Variants in CNST observed in about 807,000 individuals in gnomAD.
CNST encodes the protein consortin.
A neutral mutation model predicts 72.4 loss-of-function variants in CNST; 39 were observed. The observed-to-expected ratio is 0.54, with a 90% CI of 0.42 to 0.70. CNST has a LOEUF of 0.70. Among genes scored for constraint, CNST ranks in the 30% least tolerant of loss-of-function variants. CNST has a pLI of 0.00. For missense variants in CNST, 871 were observed against 868.5 expected (o/e 1.00, Z -0.04); for synonymous variants, 332 against 320.1 (o/e 1.04, Z -0.40).
intron 10 of CNST, among the ~76,000 whole-genome samples, chr1:246,662,264 C>T (rs1205621761): frequency 2.6e-5 from 4 of 152,190 alleles, no homozygotes; most frequent in Non-Finnish European, 5.9e-5. Flanking sequence ...CCTAAAAGGG[C>T]CTGTTCTTCC....
At position 246,665,819 on chromosome 1, in the gene CNST, ACTGACTTTGCAGACAACATGGACT is replaced by A. The variant is rs768146621; in HGVS notation, c.2093_2116del (p.Thr698_Phe706delinsIle). On this transcript the variant is annotated inframe_deletion, in exon 11 of 11. Coordinates refer to ENST00000366513, the MANE Select transcript of CNST (RefSeq NM_152609.3). The stretch of plus-strand genomic sequence containing the variant: ...CGGTGACATGGAGTCACCTGTTTGT[ACTGACTTTGCAGACAACATGGACT>A]TCTATTACACTAAGTTACTTCAGGG... 7.4e-6 allele frequency: 12 copies of A among 1,614,010 alleles called. No homozygotes were observed. Among genetic ancestry groups the A allele is most frequent in the Non-Finnish European group, 8.5e-7 (1 of 1,179,920 alleles).
chr1:246,569,095 G>A (rs1014481542), intron 1 of CNST, among the ~76,000 whole-genome samples: 2 of 152,110 alleles, frequency 1.3e-5, no homozygotes, highest in African/African-American at 2.4e-5. Context: ...CTTGCTTGCT[G>A]TTAGAATTAA....
At chr1:246,629,879 A>C (rs141967567) in intron 3 of CNST, among the ~76,000 whole-genome samples, 2,384 of 152,254 alleles carry the variant, frequency 0.016, 24 homozygotes, top group Middle Eastern at 0.037. Flanking sequence ...ATACAGGTGC[A>C]CACCACCACA....
At chr1:246,598,232 G>C (rs916972405) in intron 2 of CNST, among the ~76,000 whole-genome samples, 1 of 150,370 alleles carries the variant, frequency 6.7e-6, no homozygotes, top group African/African-American at 2.5e-5. Flanking sequence ...CCATCCACCA[G>C]CTTTGGCCCC....
intron 2 of CNST, 92 bp downstream of exon 2, chr1:246,592,033 C>T: frequency 2.0e-6 from 2 of 1,016,110 alleles, no homozygotes; most frequent in South Asian, 3.4e-5. Context: ...CTGCACCTTG[C>T]TTCTTTGCTT....
intron 2 of CNST, among the ~76,000 whole-genome samples, chr1:246,610,660 C>T (rs1663255470): frequency 6.6e-6 from 1 of 152,230 alleles, no homozygotes; most frequent in Middle Eastern, 3.4e-3. Flanking sequence ...GTTTCTTTTC[C>T]AGTCTTTCAG....
intron 10 of CNST, among the ~76,000 whole-genome samples, chr1:246,663,014 A>T (rs545921017): frequency 6.6e-6 from 1 of 152,348 alleles, no homozygotes; most frequent in East Asian, 1.9e-4. Context: ...TTAGGTTGTT[A>T]ACATAGATGA....
chr1:246,569,911 G>A (rs1168704911), intron 1 of CNST: 3 of 981,142 alleles, frequency 3.1e-6, no homozygotes, highest in African/African-American at 1.7e-5. Flanking sequence ...GAGAACTTGA[G>A]GACCTTCAAG....
chr1:246,606,349 G>C (rs2103049522), intron 2 of CNST: 1 of 152,096 alleles, frequency 6.6e-6, no homozygotes, highest in African/African-American at 2.4e-5. Context: ...TCCCTTCCAG[G>C]TTTGGACTGG....
At chr1:246,663,342 A>C (rs1667215630) in intron 10 of CNST, among the ~76,000 whole-genome samples, 1 of 152,030 alleles carries the variant, frequency 6.6e-6, no homozygotes. Context: ...TGTCTAAAAA[A>C]AAAAAAAAAA....
chr1:246,607,407 G>T (rs3007405), intron 2 of CNST: 61,504 of 152,020 alleles, frequency 0.4, 15,277 homozygotes, highest in Non-Finnish European at 0.54. Context: ...GGATACGTCT[G>T]CTTATGGTTT....
rs969451458 is a variant in CNST at position 246,570,418 on chromosome 1, A to G, written c.-52+3755A>G. Reference sequence around the variant, plus strand: ...TTTAGCTGCTGTGTGTTATATCTACATTAATAGCTAAATTAGCCTGAAGGC... The same window carrying G: ...TTTAGCTGCTGTGTGTTATATCTACGTTAATAGCTAAATTAGCCTGAAGGC... On this transcript the variant is annotated intron_variant, in intron 1 of 10. Coordinates refer to ENST00000366513, the MANE Select transcript of CNST (RefSeq NM_152609.3). 3.3e-5 allele frequency among the ~76,000 whole-genome samples: 5 copies of G among 152,260 alleles called. No individual in the cohort carries two copies. The East Asian group carries it at 7.7e-4, about 23-fold the overall frequency.
intron 10 of CNST, among the ~76,000 whole-genome samples, chr1:246,664,911 T>C (rs1380599207): frequency 6.6e-6 from 1 of 152,232 alleles, no homozygotes; most frequent in Non-Finnish European, 1.5e-5. Flanking sequence ...TTAAGATATT[T>C]TTCAACCAAA....
At chr1:246,581,322 A>G (rs905342456) in intron 1 of CNST, among the ~76,000 whole-genome samples, 5 of 152,002 alleles carry the variant, frequency 3.3e-5, no homozygotes, top group South Asian at 2.1e-4. Context: ...CTGGAGTGCA[A>G]TGGCGCAATC....
At chr1:246,577,208 A>G (rs1402633274) in intron 1 of CNST, among the ~76,000 whole-genome samples, 4 of 152,022 alleles carry the variant, frequency 2.6e-5, no homozygotes, top group African/African-American at 9.7e-5. Context: ...CAGAACTGAT[A>G]CTTCTCATGA....
At chr1:246,662,445 G>A (rs934379171) in intron 10 of CNST, among the ~76,000 whole-genome samples, 4 of 152,178 alleles carry the variant, frequency 2.6e-5, no homozygotes, top group African/African-American at 7.2e-5. Flanking sequence ...CTGGAGTGCA[G>A]TGGTGCGATC....
intron 1 of CNST, among the ~76,000 whole-genome samples, chr1:246,577,801 C>T (rs543261697): frequency 1.1e-4 from 17 of 152,168 alleles, no homozygotes; most frequent in African/African-American, 3.6e-4. Context: ...TAGAAAAGAA[C>T]TAAAACAGTC....
In CNST at chr1:246,591,570, A is replaced by G. The variant is rs367686430; in HGVS notation, c.8A>G (p.Asp3Gly). 6.2e-6 allele frequency: 10 copies of G among 1,613,960 alleles called. No individual in the cohort carries two copies. The highest frequency in any genetic ancestry group is 1.3e-5 in the African/African-American group (1 of 74,944). ...TCACCAAAGGATGCTCTAATGGATG[A>G]CAGCGATACTCCTACATATTATCTG... MD[D>G]SDTPTYYLQI... The change falls in exon 2 of 11, where the codon GAC (aspartate) becomes GGC (glycine). Residue 3 changes from aspartate to glycine, a missense_variant. Transcript: ENST00000366513.
chr1:246,574,759 A>G (rs528649075), intron 1 of CNST, among the ~76,000 whole-genome samples: 3 of 152,218 alleles, frequency 2.0e-5, no homozygotes, highest in Admixed American at 2.0e-4. Context: ...ATGTTACTCA[A>G]AAAAGGACAA....
Sources: allele counts gnomAD v4.1 joint callset (sites outside exome capture counted in the v4.1 genomes callset), GRCh38; gene constraint gnomAD v4.1.1; transcripts MANE v1.5; gene names NCBI Gene and HGNC (gene_info 2026-07-23, HGNC 2026-07-21).